The following KCNAB2 variants were observed in gnomAD, a reference collection of about 807,000 sequenced individuals.
KCNAB2 encodes voltage-gated potassium channel subunit beta-2.
In KCNAB2, 29 loss-of-function variants were observed where a neutral mutation model predicts 63.6. The ratio of observed to expected loss-of-function variants is 0.46; its 90% CI spans 0.34 to 0.62. The LOEUF is 0.62. KCNAB2 is among the 20% of genes least tolerant of loss of function. KCNAB2 has a pLI of 0.01. For missense variants in KCNAB2, 359 were observed against 563.9 expected (o/e 0.64, Z 3.68); for synonymous variants, 222 against 224.2 (o/e 0.99, Z 0.09).
At chr1:6,080,498 G>A (rs1218900550) in intron 4 of KCNAB2, among the ~76,000 whole-genome samples, 1 of 152,196 alleles carries the variant, frequency 6.6e-6, no homozygotes, top group Non-Finnish European at 1.5e-5. Context: ...GCCCCGGCAG[G>A]TGGATCCTGA....
At chr1:6,081,926 G>A (rs1251674295) in intron 4 of KCNAB2, among the ~76,000 whole-genome samples, 3 of 152,156 alleles carry the variant, frequency 2.0e-5, no homozygotes, top group Non-Finnish European at 4.4e-5. Flanking sequence ...CAACTGATGG[G>A]GTCCCTGCTC....
At chr1:6,026,564 C>T (rs1433970157) in intron 1 of KCNAB2, 1 of 152,378 alleles carries the variant, frequency 6.6e-6, no homozygotes, top group East Asian at 1.9e-4. Flanking sequence ...TTAATTGTGC[C>T]AGCCTGAACC....
intron 1 of KCNAB2, among the ~76,000 whole-genome samples, chr1:6,016,768 C>T (rs985126933): frequency 6.6e-6 from 1 of 152,200 alleles, no homozygotes; most frequent in Admixed American, 6.5e-5. Context: ...GGGCCCCAGA[C>T]AGGAGCTTGA....
chr1:6,046,429 A>G (rs573359504), intron 1 of KCNAB2, among the ~76,000 whole-genome samples: 19 of 152,328 alleles, frequency 1.2e-4, no homozygotes, highest in South Asian at 8.3e-4. Context: ...CTCTCGCTTG[A>G]GTCTGCTCAC....
Position 6,005,032 on chromosome 1 carries a change from A to T in KCNAB2, c.-53+12244A>T, listed in dbSNP as rs937476158. 4.2e-4 allele frequency among the ~76,000 whole-genome samples: 36 copies of T among 86,004 alleles called. 3 individuals are homozygous for T. The highest frequency in any genetic ancestry group is 9.3e-4 in the Admixed American group (8 of 8,566). The allele number at this position is 86,004 out of a possible 152,430, so 56.4% of individuals were successfully genotyped here. On this transcript the variant is annotated intron_variant, in intron 1 of 16. Transcript: ENST00000341524. ...TAAGGGGTGAGGGTGGAGTAGGGGG[A>T]CGCGGGGGCTGAGCTGAGGGGTGAG...
At chr1:6,075,187 A>G (rs1333872529) in intron 4 of KCNAB2, among the ~76,000 whole-genome samples, 1 of 152,212 alleles carries the variant, frequency 6.6e-6, no homozygotes, top group Non-Finnish European at 1.5e-5. Context: ...CTAAACCAGG[A>G]TGGGAGAATT....
intron 1 of KCNAB2, among the ~76,000 whole-genome samples, chr1:6,029,133 A>G (rs893055873): frequency 6.6e-6 from 1 of 152,142 alleles, no homozygotes; most frequent in Non-Finnish European, 1.5e-5. Flanking sequence ...ATACAAAAAA[A>G]TTAGCCAGGC....
At chr1:6,082,141 A>G in intron 4 of KCNAB2, 54 bp from the exon 5 acceptor site, 1 of 1,488,158 alleles carries the variant, frequency 6.7e-7, no homozygotes, top group Non-Finnish European at 9.4e-7. Flanking sequence ...GGTGCTCCAG[A>G]GCCTCTGGGC....
intron 1 of KCNAB2, among the ~76,000 whole-genome samples, chr1:6,002,891 G>C (rs1657338072): frequency 6.6e-6 from 1 of 152,160 alleles, no homozygotes; most frequent in Non-Finnish European, 1.5e-5. Context: ...TGAGTTGGCA[G>C]CTGCCCTGTG....
chr1:6,010,897 A>G (rs955134806), intron 1 of KCNAB2, among the ~76,000 whole-genome samples: 1 of 152,224 alleles, frequency 6.6e-6, no homozygotes, highest in African/African-American at 2.4e-5. Context: ...CAGGAGGTGC[A>G]TGGACAGTCC....
chr1:6,051,803 A>G, intron 2 of KCNAB2, 49 bp downstream of exon 2: 3 of 1,501,704 alleles, frequency 2.0e-6, no homozygotes. Flanking sequence ...GATTTCAGCC[A>G]TATAAATATG....
intron 2 of KCNAB2, among the ~76,000 whole-genome samples, chr1:6,058,769 A>C (rs1662060959): frequency 6.6e-6 from 1 of 152,242 alleles, no homozygotes. Flanking sequence ...GCGAGCAGCC[A>C]GTCATTCCGG....
At position 6,089,133 on chromosome 1, in the gene KCNAB2, C is replaced by T. The variant is rs555137309; in HGVS notation, c.514+82C>T. On this transcript the variant is annotated intron_variant, in intron 8 of 15. Coordinates refer to ENST00000378083, the MANE Select transcript of KCNAB2 (RefSeq NM_001199862.2). ...GCCAAAGTGATGGCAGCACAGGGCC[C>T]GACCCCCCCAGTTAACCCACTGAGG... is the stretch of plus-strand genomic sequence containing the variant. The T allele has an allele frequency of 1.2e-4, 167 of 1,411,116 alleles. No individual in the cohort carries two copies. The East Asian group carries it at 3.8e-3, about 32-fold the overall frequency. 87.4% of individuals were successfully genotyped at this position (1,411,116 alleles called of 1,614,324 possible).
At position 5,994,013 on chromosome 1, in the gene KCNAB2, G is replaced by C. The variant is rs186884342; in HGVS notation, c.-53+1225G>C. On this transcript the variant is annotated intron_variant, in intron 1 of 16. Coordinates refer to the KCNAB2 transcript ENST00000341524. The surrounding 1 kb of genome is among the most constrained non-coding windows in gnomAD (Gnocchi z 5.4). Reference sequence around the variant, plus strand: ...CCCTGTGTTGAACTGTGTCCAAGGGGAGATGACATAAGTAATAGCTCTTGG... The same window carrying C: ...CCCTGTGTTGAACTGTGTCCAAGGGCAGATGACATAAGTAATAGCTCTTGG... Among the ~76,000 whole-genome samples, 1 of 152,186 alleles carries C rather than the reference G, an allele frequency of 6.6e-6. No individual in the cohort carries two copies. The highest frequency in any genetic ancestry group is 1.5e-5 in the Non-Finnish European group (1 of 68,036).
chr1:6,010,846 G>C (rs1031712537), intron 1 of KCNAB2, among the ~76,000 whole-genome samples: 2 of 152,244 alleles, frequency 1.3e-5, no homozygotes, highest in African/African-American at 4.8e-5. Flanking sequence ...CCATGAGGGC[G>C]CTCTTCCCCA....
At chr1:6,054,528 G>A (rs1400765238) in intron 2 of KCNAB2, among the ~76,000 whole-genome samples, 1 of 152,212 alleles carries the variant, frequency 6.6e-6, no homozygotes, top group East Asian at 1.9e-4. Flanking sequence ...TATTCGGGAG[G>A]CTGAGGCAGG....
intron 6 of KCNAB2, among the ~76,000 whole-genome samples, chr1:6,085,483 C>G (rs553287281): frequency 6.6e-6 from 1 of 152,170 alleles, no homozygotes; most frequent in African/African-American, 2.4e-5. Flanking sequence ...CTGCCCACTC[C>G]GCCTCTGTCC....
chr1:6,035,419 G>A lies in KCNAB2; in HGVS notation c.-53+625G>A, dbSNP rs1348187354. On this transcript the variant is annotated intron_variant, in intron 1 of 15. Transcript: ENST00000164247. The surrounding 1 kb of genome is among the most constrained non-coding windows in gnomAD (Gnocchi z 5.0). ...AGTCTGCCGGCGGGGGTGGAGGTGG[G>A]CGCAGGGAATGCTGTGAGGAGCAGC... 2.0e-5 allele frequency among the ~76,000 whole-genome samples: 3 copies of A among 152,172 alleles called. No individual in the cohort carries two copies. The highest frequency in any genetic ancestry group is 4.4e-5 in the Non-Finnish European group (3 of 68,026).
At position 6,063,783 on chromosome 1, in the gene KCNAB2, T is replaced by C. The variant is rs1045514224; in HGVS notation, c.219-8972T>C. Among the ~76,000 whole-genome samples, 5 of 152,178 alleles carry C rather than the reference T, an allele frequency of 3.3e-5. No homozygotes were observed. The South Asian group carries it at 8.3e-4, about 25-fold the overall frequency. On this transcript the variant is annotated intron_variant, in intron 2 of 15. Transcript: ENST00000378083. ...TACATCCTGTTTCTCCATTTGTCGG[T>C]TGATGGGTGTTTGGGTTGTTTCCAG... is the stretch of plus-strand genomic sequence containing the variant.
Sources: allele counts gnomAD v4.1 joint callset (sites outside exome capture counted in the v4.1 genomes callset), GRCh38; gene constraint gnomAD v4.1.1; non-coding constraint Gnocchi (gnomAD v3.1); transcripts MANE v1.5; gene names NCBI Gene and HGNC (gene_info 2026-07-23, HGNC 2026-07-21).